Variants in NAV3 observed in about 807,000 individuals in gnomAD.
The protein encoded by NAV3 is pore membrane and/or filament interacting like protein 1.
In NAV3, 87 loss-of-function variants were observed where a neutral mutation model predicts 244.7. The ratio of observed to expected loss-of-function variants is 0.36; its 90% CI spans 0.30 to 0.42. The LOEUF (loss-of-function observed/expected upper bound fraction) is 0.42, where lower values mean the gene tolerates loss of function less well. Among genes scored for constraint, NAV3 ranks in the 20% least tolerant of loss-of-function variants. The pLI, the probability that NAV3 is intolerant of heterozygous loss-of-function variation, is 1.00. For synonymous variants in NAV3, 1,126 were observed against 1,042.2 expected, an observed-to-expected ratio of 1.08 and a Z score of -1.55; for missense variants, 2,663 against 2,893.3, an observed-to-expected ratio of 0.92 and a Z score of 1.83.
intron 2 of NAV3, among the ~76,000 whole-genome samples, chr12:77,594,681 C>T (rs1023462622): frequency 6.6e-6 from 1 of 152,122 alleles, no homozygotes; most frequent in Non-Finnish European, 1.5e-5. Flanking sequence ...GTTAGAAGAC[C>T]GTTTTTTCCC....
intron 2 of NAV3, among the ~76,000 whole-genome samples, chr12:77,598,410 A>G (rs1870268060): frequency 6.6e-6 from 1 of 151,984 alleles, no homozygotes; most frequent in Non-Finnish European, 1.5e-5. Context: ...CAGTTGCTAA[A>G]TCCTTCTATA....
At chr12:78,168,221 A>T (rs1957859134) in intron 23 of NAV3, among the ~76,000 whole-genome samples, 1 of 151,742 alleles carries the variant, frequency 6.6e-6, no homozygotes, top group African/African-American at 2.4e-5. Context: ...ATTTAATAAG[A>T]TGACATTTAA....
intron 12 of NAV3, among the ~76,000 whole-genome samples, chr12:78,063,036 G>A (rs1476098748): frequency 6.6e-6 from 1 of 152,146 alleles, no homozygotes; most frequent in East Asian, 1.9e-4. Flanking sequence ...TATAGTGAAG[G>A]CTATAGTTTC....
At chr12:77,824,602 A>T (rs1872891023) in intron 2 of NAV3, among the ~76,000 whole-genome samples, 1 of 152,032 alleles carries the variant, frequency 6.6e-6, no homozygotes, top group South Asian at 2.1e-4. Flanking sequence ...TTAAAAAAAT[A>T]AAATTGCTGG....
chr12:77,676,443 G>T (rs1565767256), intron 2 of NAV3, among the ~76,000 whole-genome samples: 1 of 152,116 alleles, frequency 6.6e-6, no homozygotes, highest in East Asian at 1.9e-4. Context: ...ATGTCTTATA[G>T]TGGTTTTTAT....
At chr12:77,582,594 C>A (rs954690718) in intron 2 of NAV3, among the ~76,000 whole-genome samples, 6 of 152,140 alleles carry the variant, frequency 3.9e-5, no homozygotes, top group African/African-American at 1.4e-4. Context: ...ATAAGCTACA[C>A]AAAGAAAATT....
chr12:77,816,792 T>G (rs1221642202), intron 2 of NAV3, among the ~76,000 whole-genome samples: 1 of 152,156 alleles, frequency 6.6e-6, no homozygotes, highest in Admixed American at 6.6e-5. Context: ...ATGCAAAAGT[T>G]ACTTGAAATA....
chr12:77,997,037 C>T (rs893425074), intron 6 of NAV3, among the ~76,000 whole-genome samples: 1 of 151,930 alleles, frequency 6.6e-6, no homozygotes, highest in Admixed American at 6.6e-5. Flanking sequence ...GTCAGGAGTT[C>T]AAGACCAGCC....
Position 78,046,824 on chromosome 12 carries a change from A to T in NAV3, c.2024-3169A>T, listed in dbSNP as rs148225449. Reference sequence around the variant, plus strand: ...TCTCATTGATCTGTCTCATACTGACAGTGGGGTGTTAAAGTCTCCCACTAT... The same window carrying T: ...TCTCATTGATCTGTCTCATACTGACTGTGGGGTGTTAAAGTCTCCCACTAT... On this transcript the variant is annotated intron_variant, in intron 9 of 39. Transcript: ENST00000397909. Among the ~76,000 whole-genome samples the T allele has an allele frequency of 8.6e-4, 131 of 152,278 alleles. No individual in the cohort carries two copies. In the East Asian group the frequency reaches 0.024, roughly 28 times the overall value.
At chr12:77,901,596 G>A (rs1323389461) in intron 1 of NAV3, among the ~76,000 whole-genome samples, 2 of 152,110 alleles carry the variant, frequency 1.3e-5, no homozygotes, top group Admixed American at 6.5e-5. Context: ...TGTAATCCCA[G>A]CCACTTGGGA....
intron 21 of NAV3, 53 bp from the exon 22 acceptor site, chr12:78,148,788 GT>G: frequency 6.6e-7 from 1 of 1,515,456 alleles, no homozygotes. Flanking sequence ...TGAATTCTGG[GT>G]TTTAAGTAAA....
chr12:77,603,694 A>C (rs994352904), intron 2 of NAV3, among the ~76,000 whole-genome samples: 10 of 152,042 alleles, frequency 6.6e-5, no homozygotes, highest in Admixed American at 1.3e-4. Flanking sequence ...CGTCATGATG[A>C]AGGGAGAGGC....
At chr12:78,088,063 T>G (rs988049059) in intron 12 of NAV3, among the ~76,000 whole-genome samples, 7 of 150,966 alleles carry the variant, frequency 4.6e-5, no homozygotes, top group Non-Finnish European at 8.9e-5. Flanking sequence ...ATACATGATA[T>G]ATCTCATATA....
intron 2 of NAV3, among the ~76,000 whole-genome samples, chr12:77,714,461 T>C (rs1876269470): frequency 6.6e-6 from 1 of 152,128 alleles, no homozygotes; most frequent in Non-Finnish European, 1.5e-5. Flanking sequence ...CTTTGTGTCC[T>C]ACAGCCCATC....
chr12:78,117,176 T>TATATATAG (rs1566155977), intron 13 of NAV3, among the ~76,000 whole-genome samples: 1 of 135,202 alleles, frequency 7.4e-6, no homozygotes, highest in Non-Finnish European at 1.6e-5. Context: ...TATATATATA[T>TATATATAG]ATATATATAT....
chr12:77,656,060 A>G (rs192600863), intron 2 of NAV3, among the ~76,000 whole-genome samples: 1 of 151,682 alleles, frequency 6.6e-6, no homozygotes, highest in Admixed American at 6.6e-5. Context: ...TAACGAGCAG[A>G]ATAACCAGCT....
At chr12:77,797,007 C>T (rs912683388) in intron 2 of NAV3, among the ~76,000 whole-genome samples, 7 of 152,014 alleles carry the variant, frequency 4.6e-5, no homozygotes, top group African/African-American at 1.5e-4. Flanking sequence ...CTGAGGTATG[C>T]CTATATCTGG....
intron 38 of NAV3, among the ~76,000 whole-genome samples, chr12:78,204,215 G>A (rs1400480337): frequency 2.0e-5 from 3 of 151,302 alleles, no homozygotes; most frequent in South Asian, 4.1e-4. Flanking sequence ...GGGGTGGGGC[G>A]GAGGGGGGAG....
At chr12:77,985,052 G>A (rs998106077) in intron 5 of NAV3, among the ~76,000 whole-genome samples, 1 of 152,046 alleles carries the variant, frequency 6.6e-6, no homozygotes, top group African/African-American at 2.4e-5. Flanking sequence ...TCCTGACCTC[G>A]TGATCCAGCC....
Sources: gnomAD v4.1 joint callset for allele counts (sites outside exome capture counted in the v4.1 genomes callset) on GRCh38, gnomAD v4.1.1 for gene constraint, MANE v1.5 for transcripts, NCBI Gene and HGNC (gene_info 2026-07-23, HGNC 2026-07-21) for gene names.